Variants in JADE2 observed in about 807,000 individuals in gnomAD.
JADE2 encodes jade family PHD finger 2, also known as E3 ubiquitin-protein ligase Jade-2.
JADE2 carries 13 observed loss-of-function variants against 85.7 expected under a neutral mutation model. That is an observed-to-expected ratio of 0.15 (90% CI 0.10 to 0.24). JADE2 has a LOEUF of 0.24. JADE2 is among the 10% of genes least tolerant of loss of function. The pLI is 1.00. For missense variants in JADE2, 846 were observed against 1,115.9 expected (o/e 0.76, Z 3.45); for synonymous variants, 440 against 456.1 (o/e 0.96, Z 0.45).
At chr5:134,573,437 G>A (rs1385278928) in intron 9 of JADE2, among the ~76,000 whole-genome samples, 2 of 152,190 alleles carry the variant, frequency 1.3e-5, no homozygotes, top group African/African-American at 4.8e-5. Context: ...GCTGTGTTTG[G>A]CCTTAGGTTT....
intron 1 of JADE2, chr5:134,533,732 CTCTCT>C (rs983583100): frequency 7.1e-6 from 1 of 141,618 alleles, no homozygotes; most frequent in African/African-American, 2.9e-5. Flanking sequence ...TTGTCACACT[CTCTCT>C]TTTTTTTTTT....
chr5:134,541,888 T>A (rs945694048), intron 3 of JADE2, among the ~76,000 whole-genome samples: 1 of 152,238 alleles, frequency 6.6e-6, no homozygotes, highest in Non-Finnish European at 1.5e-5. Context: ...AGAAAGCACT[T>A]GACCAGGAGT....
intron 1 of JADE2, chr5:134,533,513 G>A (rs1761380216): frequency 2.0e-6 from 2 of 985,026 alleles, no homozygotes; most frequent in Non-Finnish European, 2.4e-6. Flanking sequence ...TACTGTGGGA[G>A]ATGCTGGCTC....
intron 3 of JADE2, among the ~76,000 whole-genome samples, chr5:134,548,463 G>A (rs760068836): frequency 6.6e-6 from 1 of 152,136 alleles, no homozygotes; most frequent in East Asian, 1.9e-4. Context: ...CAGGAACAGC[G>A]TTTACACTGT....
rs58473839 is a variant in JADE2, at chr5:134,553,362, C to CTTT, written c.311+1161_311+1163dup. On this transcript the variant is annotated intron_variant, in intron 4 of 11. Transcript: ENST00000681547. ...GCTTTTTTTTTTCTTTTATTCTTTT[C>CTTT]TTTTTTTTTTGAGACGGAGTCTCGC... is the stretch of plus-strand genomic sequence containing the variant. Among the ~76,000 whole-genome samples, 85 of 145,984 alleles carry CTTT rather than the reference C, an allele frequency of 5.8e-4. 1 individual carries two copies. Among genetic ancestry groups the CTTT allele is most frequent in the East Asian group, 1.2e-3 (6 of 4,946 alleles).
intron 3 of JADE2, among the ~76,000 whole-genome samples, chr5:134,549,210 C>A (rs1762465327): frequency 6.6e-6 from 1 of 152,154 alleles, no homozygotes; most frequent in African/African-American, 2.4e-5. Context: ...GGAAGGAATC[C>A]CTGAGGAGGC....
At chr5:134,537,179 GC>G (rs926053509) in intron 2 of JADE2, among the ~76,000 whole-genome samples, 1 of 152,150 alleles carries the variant, frequency 6.6e-6, no homozygotes, top group African/African-American at 2.4e-5. Flanking sequence ...CCAGGTACCT[GC>G]AAGGCTCCCC....
At chr5:134,569,836 T>C (rs540905000) in intron 9 of JADE2, among the ~76,000 whole-genome samples, 46 of 152,252 alleles carry the variant, frequency 3.0e-4, no homozygotes, top group African/African-American at 1.1e-3. Context: ...CCTGCAGACC[T>C]CTGGCTCTTC....
At chr5:134,534,864 G>A (rs1761484824) in intron 1 of JADE2, among the ~76,000 whole-genome samples, 1 of 152,226 alleles carries the variant, frequency 6.6e-6, no homozygotes, top group South Asian at 2.1e-4. Flanking sequence ...CACCTGCTGT[G>A]CTCCCCTCCA....
chr5:134,529,577 T>C lies in JADE2; in HGVS notation c.-1+3566T>C, dbSNP rs1561720802. 2.6e-5 allele frequency among the ~76,000 whole-genome samples: 4 copies of C among 152,328 alleles called. No individual in the cohort carries two copies. In the South Asian group the frequency reaches 8.3e-4, roughly 32 times the overall value. On this transcript the variant is annotated intron_variant, in intron 1 of 11. Coordinates refer to ENST00000681547, the MANE Select transcript of JADE2 (RefSeq NM_001388185.1). ...ATAGTGGATGTATAGAATAAGTGAT[T>C]ACCTAAAAAAGACTAAGCCCAAAGC...
intron 9 of JADE2, among the ~76,000 whole-genome samples, chr5:134,570,437 C>G (rs1425245739): frequency 6.6e-6 from 1 of 152,150 alleles, no homozygotes; most frequent in African/African-American, 2.4e-5. Flanking sequence ...GTTCAACCCT[C>G]TCTCATCTTC....
intron 9 of JADE2, among the ~76,000 whole-genome samples, chr5:134,569,470 G>A (rs570702999): frequency 6.6e-5 from 10 of 152,358 alleles, no homozygotes; most frequent in Middle Eastern, 3.4e-3. Context: ...GGAAGGCATG[G>A]CCACTGCAGC....
At chr5:134,533,598 CA>C in intron 1 of JADE2, 1 of 984,716 alleles carries the variant, frequency 1.0e-6, no homozygotes, top group Non-Finnish European at 1.2e-6. Context: ...TGGGTGGGTG[CA>C]CTTTTAGCAC....
At chr5:134,559,203 G>A (rs1278943925) in intron 4 of JADE2, among the ~76,000 whole-genome samples, 2 of 152,188 alleles carry the variant, frequency 1.3e-5, no homozygotes, top group African/African-American at 2.4e-5. Flanking sequence ...GGCCGCAGCC[G>A]TGTAACCAGG....
At chr5:134,565,159 C>T (rs115641585) in intron 8 of JADE2, among the ~76,000 whole-genome samples, 3,502 of 152,250 alleles carry the variant, frequency 0.023, 154 homozygotes, top group African/African-American at 0.08. Flanking sequence ...CTAACAAGCT[C>T]CCAAGGGATG....
intron 11 of JADE2, 53 bp downstream of exon 11, chr5:134,576,949 G>A (rs965557038): frequency 1.3e-5 from 19 of 1,491,518 alleles, no homozygotes; most frequent in Middle Eastern, 2.1e-4. Flanking sequence ...CCATCACCAC[G>A]CTTGCAGCTC....
chr5:134,538,974 A>G (rs1413247015), intron 3 of JADE2, among the ~76,000 whole-genome samples: 2 of 151,148 alleles, frequency 1.3e-5, no homozygotes, highest in Non-Finnish European at 2.9e-5. Flanking sequence ...CTCCTGCCTC[A>G]GCTTCCCGAG....
chr5:134,557,404 A>T (rs1581445338), intron 4 of JADE2, among the ~76,000 whole-genome samples: 1 of 89,872 alleles, frequency 1.1e-5, no homozygotes, highest in Admixed American at 1.1e-4. Context: ...TTATACTCTA[A>T]GTTTTAGGGT....
At chr5:134,565,513 GA>G (rs1484008231) in intron 8 of JADE2, among the ~76,000 whole-genome samples, 2 of 152,280 alleles carry the variant, frequency 1.3e-5, no homozygotes, top group African/African-American at 4.8e-5. Flanking sequence ...CCTTTCTCTT[GA>G]TGCTCTGTGA....
Sources: gnomAD v4.1 joint callset for allele counts (sites outside exome capture counted in the v4.1 genomes callset) on GRCh38, gnomAD v4.1.1 for gene constraint, MANE v1.5 for transcripts, NCBI Gene and HGNC (gene_info 2026-07-23, HGNC 2026-07-21) for gene names.